SLC38A9: variants seen among roughly 807,000 people sequenced by gnomAD.
SLC38A9 encodes the protein neutral amino acid transporter 9.
SLC38A9 carries 48 observed loss-of-function variants against 62.3 expected under a neutral mutation model. That is an observed-to-expected ratio of 0.77 (90% CI 0.61 to 0.98). SLC38A9 has a LOEUF of 0.98. Among genes scored for constraint, SLC38A9 ranks in the 50% least tolerant of loss-of-function variants. SLC38A9 has a pLI of 0.00. For missense variants in SLC38A9, 541 were observed against 679.8 expected (o/e 0.80, Z 2.27); for synonymous variants, 204 against 227.7 (o/e 0.90, Z 0.94).
At chr5:55,669,350 A>T in intron 6 of SLC38A9, 29 bp from the exon 7 acceptor site, 1 of 1,539,452 alleles carries the variant, frequency 6.5e-7, no homozygotes, top group Admixed American at 1.8e-5. Flanking sequence ...ATAAAACAGC[A>T]TATATCATCA....
At chr5:55,656,884 G>A (rs1021688321) in intron 8 of SLC38A9, 110 bp from the exon 9 acceptor site, 12 of 479,330 alleles carry the variant, frequency 2.5e-5, no homozygotes, top group African/African-American at 1.5e-4. Context: ...TCTTTGAGAC[G>A]GAGTCTTGCT....
intron 12 of SLC38A9, among the ~76,000 whole-genome samples, chr5:55,642,861 A>C (rs911291610): frequency 6.6e-6 from 1 of 152,200 alleles, no homozygotes; most frequent in Non-Finnish European, 1.5e-5. Context: ...GAAAAGCTTA[A>C]TTTATATTTT....
chr5:55,711,656 C>A (rs1261645933), intron 1 of SLC38A9, among the ~76,000 whole-genome samples, 157 bp from the exon 2 acceptor site: 1 of 152,182 alleles, frequency 6.6e-6, no homozygotes, highest in Admixed American at 6.5e-5. Flanking sequence ...TGGCCCTCAC[C>A]CCCTCTGTGG....
chr5:55,698,312 A>C (rs1313578278), intron 2 of SLC38A9, among the ~76,000 whole-genome samples: 1 of 152,226 alleles, frequency 6.6e-6, no homozygotes, highest in Non-Finnish European at 1.5e-5. Context: ...AAGCATCAAA[A>C]ACAGTAAGGA....
At chr5:55,633,608 G>T in intron 14 of SLC38A9, 146 bp downstream of exon 14, 1 of 1,071,596 alleles carries the variant, frequency 9.3e-7, no homozygotes, top group Non-Finnish European at 1.3e-6. Flanking sequence ...AAGCTCTTCA[G>T]GGAAGAGGAC....
At chr5:55,643,731 G>A (rs1745818336) in intron 12 of SLC38A9, among the ~76,000 whole-genome samples, 1 of 152,052 alleles carries the variant, frequency 6.6e-6, no homozygotes, top group African/African-American at 2.4e-5. Flanking sequence ...ATACATTTAG[G>A]ATTATTATGT....
intron 7 of SLC38A9, 46 bp downstream of exon 7, chr5:55,669,182 T>G (rs1400506597): frequency 1.4e-6 from 2 of 1,412,006 alleles, no homozygotes; most frequent in Non-Finnish European, 2.0e-6. Context: ...CAAAGGGAAA[T>G]GCTTATTAAT....
intron 12 of SLC38A9, among the ~76,000 whole-genome samples, chr5:55,645,480 T>C (rs1746177093): frequency 6.6e-6 from 1 of 152,246 alleles, no homozygotes; most frequent in South Asian, 2.1e-4. Flanking sequence ...ATGTCTGTTT[T>C]TGTAAACAGT....
rs139986823 is a variant in SLC38A9 at position 55,626,202 on chromosome 5, C to G, written c.*292G>C. ...ATCCACCACCTTTTATCTCTAAAAG[C>G]AAAACCCAGCATGATTTCTTCCTAG... On this transcript the variant is annotated 3_prime_UTR_variant, in exon 16 of 16. Transcript: ENST00000396865. 1.2e-3 allele frequency: 257 copies of G among 217,960 alleles called. No individual in the cohort carries two copies. Among genetic ancestry groups the G allele is most frequent in the African/African-American group, 5.6e-3 (244 of 43,940 alleles). 13.5% of individuals were successfully genotyped at this position (217,960 alleles called of 1,614,324 possible). A position where few individuals can be genotyped will look rare whatever the true frequency, so the allele number is the denominator to read the frequency against.
chr5:55,688,814 A>G (rs1352325178), intron 3 of SLC38A9, among the ~76,000 whole-genome samples: 1 of 152,252 alleles, frequency 6.6e-6, no homozygotes, highest in Non-Finnish European at 1.5e-5. Flanking sequence ...GAAAAGAGAA[A>G]GAAATGAAAA....
intron 3 of SLC38A9, among the ~76,000 whole-genome samples, chr5:55,679,717 A>C (rs947044037): frequency 6.6e-6 from 1 of 152,134 alleles, no homozygotes; most frequent in South Asian, 2.1e-4. Context: ...GTAAACAGTA[A>C]CACCACCACC....
At chr5:55,661,110 T>G (rs955120276) in intron 8 of SLC38A9, among the ~76,000 whole-genome samples, 2 of 151,914 alleles carry the variant, frequency 1.3e-5, no homozygotes, top group African/African-American at 4.8e-5. Flanking sequence ...AAGACCTAAA[T>G]AAACAAAGAA....
intron 3 of SLC38A9, among the ~76,000 whole-genome samples, chr5:55,680,224 T>TAGAGAGAGAG (rs201256489): frequency 7.0e-6 from 1 of 143,362 alleles, no homozygotes; most frequent in African/African-American, 2.6e-5. Flanking sequence ...TCTATATATA[T>TAGAGAGAGAG]ATAGAGAGAG....
At chr5:55,673,893 G>T (rs781407427) in intron 3 of SLC38A9, among the ~76,000 whole-genome samples, 14 of 151,972 alleles carry the variant, frequency 9.2e-5, no homozygotes, top group Non-Finnish European at 1.2e-4. Flanking sequence ...TGTATTTTTA[G>T]TAGAGACAGG....
intron 2 of SLC38A9, among the ~76,000 whole-genome samples, chr5:55,705,832 C>T (rs1014450253): frequency 3.3e-5 from 5 of 151,968 alleles, no homozygotes; most frequent in South Asian, 2.1e-4. Context: ...CTCAGCCTCC[C>T]GAGTAGCTGG....
intron 3 of SLC38A9, chr5:55,691,318 CT>C: frequency 1.4e-6 from 2 of 1,479,340 alleles, no homozygotes; most frequent in Non-Finnish European, 1.8e-6. Flanking sequence ...CAGATAAGTA[CT>C]GGTGAATAAG....
Position 55,672,589 on chromosome 5 carries a change from G to A in SLC38A9, c.220C>T (p.Leu74Phe). 6.2e-7 allele frequency: 1 copy of A among 1,614,096 alleles called. No individual in the cohort carries two copies. The change falls in exon 4 of 16, where the codon CTC (leucine) becomes TTC (phenylalanine). Residue 74 changes from leucine (L) to phenylalanine (F), a missense_variant. Leu to Phe is a conservative substitution (Grantham distance 22, BLOSUM62 0). Transcript: ENST00000396865. ...MNKRIHYYSR[L>F]TTPADKALIA... ...AGTGCCTTGTCTGCAGGAGTGGTGA[G>A]CCGGCTGTAGTAATGAATTCTCTTG...
At chr5:55,684,377 A>G (rs1753452973) in intron 3 of SLC38A9, among the ~76,000 whole-genome samples, 1 of 152,246 alleles carries the variant, frequency 6.6e-6, no homozygotes, top group Admixed American at 6.5e-5. Context: ...TTCTTTAGAA[A>G]GAGTTTATAT....
At chr5:55,656,858 A>G in intron 8 of SLC38A9, 84 bp from the exon 9 acceptor site, 2 of 491,120 alleles carry the variant, frequency 4.1e-6, no homozygotes, top group Non-Finnish European at 5.9e-6. Context: ...ATTTATAAAA[A>G]TCTTTTTTTT....
Sources: gnomAD v4.1 joint callset for allele counts (sites outside exome capture counted in the v4.1 genomes callset) on GRCh38, gnomAD v4.1.1 for gene constraint, MANE v1.5 for transcripts, NCBI Gene and HGNC (gene_info 2026-07-23, HGNC 2026-07-21) for gene names.